Variants in SLC35D1 observed in about 807,000 individuals in gnomAD.
The protein encoded by SLC35D1 is nucleotide sugar transporter SLC35D1.
A neutral mutation model predicts 46.7 loss-of-function variants in SLC35D1; 31 were observed. The observed-to-expected ratio is 0.66, with a 90% CI of 0.50 to 0.90. SLC35D1 has a LOEUF of 0.90. Among genes scored for constraint, SLC35D1 ranks in the 40% least tolerant of loss-of-function variants. The pLI is 0.00. For synonymous variants in SLC35D1, 195 were observed against 164.6 expected (o/e 1.18, Z -1.41); for missense variants, 397 against 426.2 (o/e 0.93, Z 0.60).
the SLC35D1 span, chr1:66,985,790 A>ACC: frequency 2.2e-6 from 2 of 902,710 alleles, no homozygotes; most frequent in Non-Finnish European, 2.6e-6. Flanking sequence ...CCAGGTGGTT[A>ACC]AAGCATTCAT....
chr1:67,022,914 A>G (rs564361407), intron 8 of SLC35D1, among the ~76,000 whole-genome samples: 5 of 152,230 alleles, frequency 3.3e-5, no homozygotes, highest in African/African-American at 1.2e-4. Flanking sequence ...ACAATTTCCT[A>G]CAAGTGGAAT....
At chr1:66,981,947 C>A in the SLC35D1 span, 1 of 1,610,136 alleles carries the variant, frequency 6.2e-7, no homozygotes, top group Non-Finnish European at 8.5e-7. Flanking sequence ...ATTTCTCTTT[C>A]TTCATAATAA....
rs1667305731 is a variant in SLC35D1 at position 67,000,216 on chromosome 1, G to A, written c.*4124C>T. ...GGATCACTTGAGCCTAGGAGTTTGA[G>A]ACTGTGGTGAGCTGCTATGATTACG... On this transcript the variant is annotated 3_prime_UTR_variant, in exon 12 of 12. Transcript: ENST00000235345. 1 of 151,440 alleles carries A rather than the reference G, an allele frequency of 6.6e-6. No homozygotes were observed. Among genetic ancestry groups the A allele is most frequent in the African/African-American group, 2.4e-5 (1 of 41,242 alleles). 9.4% of individuals were successfully genotyped at this position (151,440 alleles called of 1,614,324 possible).
chr1:66,989,319 T>C, the SLC35D1 span, among the ~76,000 whole-genome samples: 12 of 152,208 alleles, frequency 7.9e-5, no homozygotes, highest in Admixed American at 5.2e-4. Context: ...TTAACATGAA[T>C]GGTTGACTGA....
intron 8 of SLC35D1, among the ~76,000 whole-genome samples, chr1:67,032,451 T>A (rs1324847431): frequency 6.6e-6 from 1 of 152,018 alleles, no homozygotes; most frequent in Non-Finnish European, 1.5e-5. Flanking sequence ...GAGGCCGAAG[T>A]AGGCGGATCA....
In SLC35D1 at chr1:67,042,125, T is replaced by C. The variant is rs2102345589; in HGVS notation, c.729+111A>G. On this transcript the variant is annotated intron_variant, in intron 8 of 11. Coordinates refer to ENST00000235345, the MANE Select transcript of SLC35D1 (RefSeq NM_015139.3). ...AATTTAAAGAGTAAATGCTCAGTTTTTGGTCACTTAATAAGCATATTTCTT... is the reference window on the plus strand; with the variant it reads ...AATTTAAAGAGTAAATGCTCAGTTTCTGGTCACTTAATAAGCATATTTCTT... 6 of 1,021,184 alleles carry C rather than the reference T, an allele frequency of 5.9e-6. No individual in the cohort carries two copies. In the South Asian group the frequency reaches 7.6e-5, roughly 13 times the overall value. The allele number at this position is 1,021,184 out of a possible 1,614,324, so 63.3% of individuals were successfully genotyped here. A position where few individuals can be genotyped will look rare whatever the true frequency, so the allele number is the denominator to read the frequency against.
At chr1:67,039,324 GT>G (rs1395850808) in intron 8 of SLC35D1, among the ~76,000 whole-genome samples, 3 of 152,054 alleles carry the variant, frequency 2.0e-5, no homozygotes, top group African/African-American at 7.2e-5. Context: ...CTTTGATATA[GT>G]TTTTAAATAC....
chr1:67,007,080 T>C (rs1667465150), intron 11 of SLC35D1, among the ~76,000 whole-genome samples: 1 of 152,206 alleles, frequency 6.6e-6, no homozygotes, highest in South Asian at 2.1e-4. Flanking sequence ...TCTTCTCCCC[T>C]ACCTTCCCTG....
Position 67,054,101 on chromosome 1 carries a change from G to T in SLC35D1, c.-88C>A. 5 of 1,372,460 alleles carry T rather than the reference G, an allele frequency of 3.6e-6. No individual in the cohort carries two copies. Among genetic ancestry groups the T allele is most frequent in the Non-Finnish European group, 5.0e-6 (5 of 991,262 alleles). 85.0% of individuals were successfully genotyped at this position (1,372,460 alleles called of 1,614,324 possible). On this transcript the variant is annotated 5_prime_UTR_variant, in exon 1 of 12. Coordinates refer to ENST00000235345, the MANE Select transcript of SLC35D1 (RefSeq NM_015139.3). ...CTCCCAGGGGACTCCAGGAGTTGGG[G>T]ACCGCAGACTAGGCCAGCTGCGCGC... is the stretch of plus-strand genomic sequence containing the variant.
At chr1:66,990,895 T>A in the SLC35D1 span, among the ~76,000 whole-genome samples, 17,430 of 152,126 alleles carry the variant, frequency 0.11, 2,421 homozygotes, top group African/African-American at 0.34. Flanking sequence ...TCTGTTTTCC[T>A]CACCATCATA....
chr1:66,977,755 A>G, the SLC35D1 span, among the ~76,000 whole-genome samples: 9 of 152,220 alleles, frequency 5.9e-5, no homozygotes, highest in Non-Finnish European at 1.0e-4. Context: ...TTATGATGGA[A>G]TTAACTTTAC....
rs150615287 is a variant in SLC35D1, at chr1:67,017,442, A to T, written c.876+2927T>A. On this transcript the variant is annotated intron_variant, in intron 10 of 11. Transcript: ENST00000235345. The stretch of plus-strand genomic sequence containing the variant: ...TTTTCAAATTTTTCTTCCATTTTTG[A>T]CTTTAAGCCACTGAAAGTTGAAACT... Among the ~76,000 whole-genome samples the T allele has an allele frequency of 1.3e-4, 20 of 152,242 alleles. No individual in the cohort carries two copies. The East Asian group carries it at 3.9e-3, about 29-fold the overall frequency.
chr1:67,053,808 T>G lies in SLC35D1; in HGVS notation c.203+3A>C. The stretch of plus-strand genomic sequence containing the variant: ...GCCTGGGCCGCCGCCGCCTCGGCCC[T>G]ACCTGTAATTGGTGAGCACGCTCTT... On this transcript the variant is annotated splice_donor_region_variant and intron_variant, in intron 1 of 11. Transcript: ENST00000235345. 6.2e-7 allele frequency: 1 copy of G among 1,602,374 alleles called. No individual in the cohort carries two copies. Among genetic ancestry groups the G allele is most frequent in the Non-Finnish European group, 8.5e-7 (1 of 1,174,854 alleles).
At chr1:66,974,432 T>TG in the SLC35D1 span, among the ~76,000 whole-genome samples, 2 of 151,888 alleles carry the variant, frequency 1.3e-5, no homozygotes, top group African/African-American at 2.4e-5. Flanking sequence ...GAGGTTTTTT[T>TG]TTTGTTGTTG....
chr1:66,981,736 T>G, the SLC35D1 span: 1 of 1,497,598 alleles, frequency 6.7e-7, no homozygotes, highest in African/African-American at 1.4e-5. Context: ...AATTTTTAAT[T>G]TTCAGCTCTT....
chr1:66,994,634 A>G (rs1205964889), downstream of SLC35D1, among the ~76,000 whole-genome samples: 3 of 147,048 alleles, frequency 2.0e-5, no homozygotes, highest in African/African-American at 2.6e-5. Flanking sequence ...ACAGAGCGAG[A>G]CTCTGTCTCA....
At chr1:66,981,757 A>G in the SLC35D1 span, 1 of 1,556,938 alleles carries the variant, frequency 6.4e-7, no homozygotes, top group Non-Finnish European at 8.7e-7. Flanking sequence ...TTTAATATAA[A>G]AATTGTTTTA....
chr1:67,030,780 G>A (rs980164028), intron 8 of SLC35D1, among the ~76,000 whole-genome samples: 2 of 152,126 alleles, frequency 1.3e-5, no homozygotes, highest in African/African-American at 4.8e-5. Context: ...GAGGCACAAT[G>A]CTAAAGATGG....
At chr1:66,998,265 G>T (rs1667266635), downstream of SLC35D1, among the ~76,000 whole-genome samples, 1 of 152,084 alleles carries the variant, frequency 6.6e-6, no homozygotes, top group Non-Finnish European at 1.5e-5. Context: ...GAGGCAGGTG[G>T]ATCACCTGAG....
Sources: gnomAD v4.1 joint callset for allele counts (sites outside exome capture counted in the v4.1 genomes callset) on GRCh38, gnomAD v4.1.1 for gene constraint, MANE v1.5 for transcripts, NCBI Gene and HGNC (gene_info 2026-07-23, HGNC 2026-07-21) for gene names.